PRR5: variants seen among roughly 807,000 people sequenced by gnomAD.
The protein encoded by PRR5 is proline-rich protein 5.
PRR5 carries 25 observed loss-of-function variants against 30.6 expected under a neutral mutation model. That is an observed-to-expected ratio of 0.82 (90% CI 0.60 to 1.14). The LOEUF is 1.14. PRR5 is among the 50% of genes most tolerant of loss of function. The probability of loss-of-function intolerance (pLI) is 0.00; values close to 1 mark genes in which losing one functional copy is unlikely to be tolerated. For missense variants in PRR5, 600 were observed against 547.1 expected, an observed-to-expected ratio of 1.10 and a Z score of -0.96; for synonymous variants, 286 against 247.1, an observed-to-expected ratio of 1.16 and a Z score of -1.48.
At position 44,679,823 on chromosome 22, in the gene PRR5, G is replaced by C. The variant is rs1271386647; in HGVS notation, c.-11+2583G>C. 3.1e-6 allele frequency: 5 copies of C among 1,599,390 alleles called. No individual in the cohort carries two copies. In the South Asian group the frequency reaches 5.7e-5, roughly 18 times the overall value. ...CCATGGTGTGTTTGGAACTTTCACA[G>C]AGGGAAGCCTGGGGCTCGGGAAGCC... On this transcript the variant is annotated intron_variant, in intron 1 of 8. Transcript: ENST00000006251.
intron 1 of PRR5, among the ~76,000 whole-genome samples, chr22:44,705,069 C>G (rs1328850661): frequency 6.6e-6 from 1 of 152,200 alleles, no homozygotes; most frequent in Non-Finnish European, 1.5e-5. Flanking sequence ...CCCCTTTTAT[C>G]TGTGTGACTG....
intron 1 of PRR5, among the ~76,000 whole-genome samples, chr22:44,713,860 G>C (rs376435526): frequency 6.7e-4 from 102 of 152,372 alleles, no homozygotes; most frequent in South Asian, 2.1e-3. Flanking sequence ...CTGGAGTGCA[G>C]TGGCGCGATC....
Position 44,702,452 on chromosome 22 carries a change from C to CGGCGCAGGCGG in PRR5, c.-22_-12dup. On this transcript the variant is annotated 5_prime_UTR_variant, in exon 1 of 8. Coordinates refer to ENST00000336985, the MANE Select transcript of PRR5 (RefSeq NM_181333.4). ...GCGCGGCGTGGGGCGCGCGTGGGCG[C>CGGCGCAGGCGG]GGCGCAGGCGGCCCGGGTCACCATG... 1 of 1,320,724 alleles carries CGGCGCAGGCGG rather than the reference C, an allele frequency of 7.6e-7. No individual in the cohort carries two copies. The highest frequency in any genetic ancestry group is 9.7e-7 in the Non-Finnish European group (1 of 1,030,704). The allele number at this position is 1,320,724 out of a possible 1,614,324, so 81.8% of individuals were successfully genotyped here.
chr22:44,728,505 G>A (rs905587501), intron 4 of PRR5, among the ~76,000 whole-genome samples: 1 of 152,352 alleles, frequency 6.6e-6, no homozygotes, highest in Admixed American at 6.5e-5. Context: ...ATGTCATTGT[G>A]AAGGAGTGTC....
chr22:44,702,381 G>C lies in PRR5; in HGVS notation c.-94G>C, dbSNP rs1926458167. ...CTGCTCTCGCCGGAGTTTCCGCGTA[G>C]AGGGCGCATCGCCGGCCCGGGGCCC... On this transcript the variant is annotated 5_prime_UTR_variant, in exon 1 of 8. The change abolishes the stop of an existing upstream ORF in the 5' untranslated region. Transcript: ENST00000336985. 8 of 1,201,928 alleles carry C rather than the reference G, an allele frequency of 6.7e-6. No homozygotes were observed. Among genetic ancestry groups the C allele is most frequent in the Non-Finnish European group, 8.3e-6 (8 of 966,366 alleles). 74.5% of individuals were successfully genotyped at this position (1,201,928 alleles called of 1,614,324 possible).
chr22:44,723,911 C>T (rs1930305372), intron 2 of PRR5, among the ~76,000 whole-genome samples: 1 of 152,186 alleles, frequency 6.6e-6, no homozygotes, highest in South Asian at 2.1e-4. Context: ...ACACAGGTCA[C>T]AATTTGCTGT....
chr22:44,731,912 G>A (rs1040918488), intron 5 of PRR5, 91 bp downstream of exon 5: 3 of 1,320,088 alleles, frequency 2.3e-6, no homozygotes, highest in East Asian at 2.5e-5. Context: ...CAGGCTTGGG[G>A]ACACACACAC....
At chr22:44,719,492 A>G (rs1391368118) in intron 2 of PRR5, among the ~76,000 whole-genome samples, 3 of 152,132 alleles carry the variant, frequency 2.0e-5, no homozygotes, top group Admixed American at 6.6e-5. Flanking sequence ...CTGACATGTC[A>G]TTGTTATGTG....
At chr22:44,731,618 G>C in intron 4 of PRR5, 112 bp from the exon 5 acceptor site, 1 of 1,054,710 alleles carries the variant, frequency 9.5e-7, no homozygotes, top group South Asian at 1.3e-5. Context: ...GTGCTGCCAG[G>C]GGCCTGAGCC....
At chr22:44,678,795 TC>T (rs1241673884) in intron 1 of PRR5, among the ~76,000 whole-genome samples, 5 of 152,154 alleles carry the variant, frequency 3.3e-5, no homozygotes, top group African/African-American at 1.2e-4. Context: ...TTCCCAGGTC[TC>T]CCCGACAGCC....
chr22:44,723,440 C>G lies in PRR5; in HGVS notation c.216-1804C>G, dbSNP rs566160178. Among the ~76,000 whole-genome samples the G allele has an allele frequency of 2.0e-5, 3 of 152,248 alleles. No homozygotes were observed. In the South Asian group the frequency reaches 6.2e-4, roughly 32 times the overall value. ...TGCACTATAATTTAAAACATTGGGGCCAGGTGCAGTGGCTCACGCCTGTAA... is the reference window on the plus strand; with the variant it reads ...TGCACTATAATTTAAAACATTGGGGGCAGGTGCAGTGGCTCACGCCTGTAA... On this transcript the variant is annotated intron_variant, in intron 2 of 7. Coordinates refer to ENST00000336985, the MANE Select transcript of PRR5 (RefSeq NM_181333.4).
chr22:44,681,259 A>G (rs1029332054), intron 1 of PRR5, among the ~76,000 whole-genome samples: 15 of 152,000 alleles, frequency 9.9e-5, no homozygotes. Flanking sequence ...GGTTCCTGGG[A>G]ACTCTGGGAA....
At chr22:44,706,144 C>T (rs759685718) in intron 1 of PRR5, among the ~76,000 whole-genome samples, 2 of 152,132 alleles carry the variant, frequency 1.3e-5, no homozygotes, top group African/African-American at 2.4e-5. Context: ...GGATTTAGGG[C>T]CCATCCTTAG....
chr22:44,674,717 T>TA (rs1025711026), upstream of PRR5, among the ~76,000 whole-genome samples: 7 of 146,314 alleles, frequency 4.8e-5, no homozygotes, highest in African/African-American at 1.3e-4. Flanking sequence ...AGACTCCGTC[T>TA]AAAAAAAAAG....
chr22:44,681,853 C>G (rs1221382452), intron 1 of PRR5, among the ~76,000 whole-genome samples: 1 of 152,186 alleles, frequency 6.6e-6, no homozygotes, highest in Non-Finnish European at 1.5e-5. Flanking sequence ...CTGCCCTGTT[C>G]AGAGGTCCCT....
upstream of PRR5, among the ~76,000 whole-genome samples, chr22:44,676,411 A>AG (rs1055197341): frequency 1.1e-4 from 16 of 144,626 alleles, no homozygotes; most frequent in South Asian, 6.5e-4. Flanking sequence ...AAAAAAAAAA[A>AG]AAAAGAAAGA....
At chr22:44,672,963 C>T (rs1331063200), upstream of PRR5, among the ~76,000 whole-genome samples, 2 of 152,270 alleles carry the variant, frequency 1.3e-5, no homozygotes, top group African/African-American at 2.4e-5. Context: ...AATACTGCCA[C>T]AGAGCCTTGC....
At chr22:44,703,104 G>T (rs1440631461) in intron 1 of PRR5, among the ~76,000 whole-genome samples, 5 of 152,202 alleles carry the variant, frequency 3.3e-5, no homozygotes, top group Admixed American at 3.3e-4. Context: ...GTCAGCAGGG[G>T]GTGCGGCAGC....
intron 6 of PRR5, among the ~76,000 whole-genome samples, chr22:44,733,884 C>T (rs967082181): frequency 1.3e-5 from 2 of 152,160 alleles, no homozygotes; most frequent in Admixed American, 1.3e-4. Flanking sequence ...TGGCCTGGAC[C>T]GTGCCTCACT....
Sources: allele counts gnomAD v4.1 joint callset (sites outside exome capture counted in the v4.1 genomes callset), GRCh38; gene constraint gnomAD v4.1.1; transcripts MANE v1.5; gene names NCBI Gene and HGNC (gene_info 2026-07-23, HGNC 2026-07-21).